The following CNTLN variants were observed in gnomAD, a reference collection of about 807,000 sequenced individuals.
CNTLN encodes centlein.
A neutral mutation model predicts 180.0 loss-of-function variants in CNTLN; 212 were observed. The observed-to-expected ratio is 1.18, with a 90% confidence interval of 1.05 to 1.32. CNTLN has a LOEUF of 1.32. CNTLN is among the 40% of genes most tolerant of loss of function. CNTLN has a pLI of 0.00. For synonymous variants in CNTLN, 722 were observed against 563.1 expected, an observed-to-expected ratio of 1.28 and a Z score of -3.99; for missense variants, 2,095 against 1,610.9, an observed-to-expected ratio of 1.30 and a Z score of -5.14.
chr9:17,310,612 A>T (rs1819064603), intron 8 of CNTLN, among the ~76,000 whole-genome samples: 1 of 152,150 alleles, frequency 6.6e-6, no homozygotes, highest in South Asian at 2.1e-4. Context: ...TGGACTATAA[A>T]GTGTGAAAAT....
intron 6 of CNTLN, 28 bp from the exon 7 acceptor site, chr9:17,298,162 T>C: frequency 7.1e-7 from 1 of 1,399,734 alleles, no homozygotes; most frequent in Non-Finnish European, 9.4e-7. Flanking sequence ...ATCCATACTT[T>C]TCTCTATTTA....
intron 12 of CNTLN, among the ~76,000 whole-genome samples, chr9:17,346,457 C>CA: frequency 6.6e-6 from 1 of 152,276 alleles, no homozygotes; most frequent in East Asian, 1.9e-4. Context: ...TGGGTGGGGA[C>CA]ACAGCTAGAC....
chr9:17,512,761 A>T, the CNTLN span, among the ~76,000 whole-genome samples: 5 of 152,208 alleles, frequency 3.3e-5, no homozygotes, highest in East Asian at 9.6e-4. Context: ...GTCTGGAGAG[A>T]GGACTGGGAG....
chr9:17,224,670 A>G (rs1824351243), intron 2 of CNTLN, among the ~76,000 whole-genome samples: 1 of 151,976 alleles, frequency 6.6e-6, no homozygotes. Context: ...TTCAGTGATT[A>G]TAATTTTTTA....
At chr9:17,527,477 A>G in the CNTLN span, among the ~76,000 whole-genome samples, 5 of 152,298 alleles carry the variant, frequency 3.3e-5, no homozygotes, top group African/African-American at 7.2e-5. Context: ...CACACTGACA[A>G]TTCTGATTCT....
rs1823065815 is a variant in CNTLN at position 17,208,372 on chromosome 9, T to C, written c.450-17831T>C. Among the ~76,000 whole-genome samples the C allele has an allele frequency of 3.3e-5, 5 of 152,262 alleles. No homozygotes were observed. In the South Asian group the frequency reaches 1.0e-3, roughly 32 times the overall value. On this transcript the variant is annotated intron_variant, in intron 2 of 25. Coordinates refer to ENST00000380647, the MANE Select transcript of CNTLN (RefSeq NM_017738.4). ...TCATGTGTTGTTGAATTTGGTTTGG[T>C]AGTATTTTGTTGAGGATTTTTGCAT...
intron 8 of CNTLN, among the ~76,000 whole-genome samples, chr9:17,312,468 G>A (rs1437911329): frequency 3.4e-5 from 5 of 148,624 alleles, no homozygotes; most frequent in African/African-American, 9.8e-5. Flanking sequence ...CTCACTGCAA[G>A]CTCCGCCTCC....
intron 16 of CNTLN, 129 bp downstream of exon 16, chr9:17,409,602 A>G: frequency 1.5e-6 from 1 of 652,020 alleles, no homozygotes; most frequent in Non-Finnish European, 2.4e-6. Flanking sequence ...TAAAATATAC[A>G]GTGAAAATAT....
At chr9:17,341,048 T>C in intron 11 of CNTLN, 100 bp downstream of exon 11, 1 of 1,088,080 alleles carries the variant, frequency 9.2e-7, no homozygotes, top group African/African-American at 1.6e-5. Flanking sequence ...TTTAAAGAAA[T>C]TATTTGGTAG....
intron 2 of CNTLN, among the ~76,000 whole-genome samples, chr9:17,164,614 T>A (rs1003551763): frequency 1.3e-5 from 2 of 150,950 alleles, no homozygotes; most frequent in African/African-American, 4.9e-5. Context: ...AGCCAGCTAA[T>A]TTTTGTATTT....
chr9:17,185,084 G>A (rs1343077928), intron 2 of CNTLN, among the ~76,000 whole-genome samples: 1 of 152,156 alleles, frequency 6.6e-6, no homozygotes, highest in Non-Finnish European at 1.5e-5. Flanking sequence ...TTAAGCTGGT[G>A]TGAATGTTTT....
chr9:17,370,373 C>T (rs1397449383), intron 13 of CNTLN, among the ~76,000 whole-genome samples: 6 of 152,246 alleles, frequency 3.9e-5, no homozygotes, highest in South Asian at 2.1e-4. Context: ...TCAGTGGAAA[C>T]TTTACAGGCT....
At chr9:17,193,577 G>C (rs948502045) in intron 2 of CNTLN, among the ~76,000 whole-genome samples, 1 of 152,166 alleles carries the variant, frequency 6.6e-6, no homozygotes. Flanking sequence ...GAGTTCCCAT[G>C]GTCTTGGGCA....
chr9:17,259,203 A>G (rs190848809), intron 5 of CNTLN, among the ~76,000 whole-genome samples: 8,964 of 149,692 alleles, frequency 0.06, 382 homozygotes, highest in South Asian at 0.13. Flanking sequence ...AATTTTGTAC[A>G]AAGGCCTTTT....
chr9:17,346,750 G>A (rs1014038285), intron 12 of CNTLN, among the ~76,000 whole-genome samples: 25 of 152,192 alleles, frequency 1.6e-4, no homozygotes, highest in African/African-American at 5.5e-4. Flanking sequence ...GAATCCCTAG[G>A]TTTGTGACTT....
chr9:17,199,307 G>A (rs1822356183), intron 2 of CNTLN, among the ~76,000 whole-genome samples: 1 of 150,756 alleles, frequency 6.6e-6, no homozygotes, highest in African/African-American at 2.4e-5. Flanking sequence ...TGCCTCCCGG[G>A]TTCAAGCAAT....
At chr9:17,143,580 C>G (rs550123816) in intron 2 of CNTLN, among the ~76,000 whole-genome samples, 65 of 152,320 alleles carry the variant, frequency 4.3e-4, no homozygotes, top group Non-Finnish European at 7.9e-4. Flanking sequence ...TGTTCATATT[C>G]TGACATATTT....
At chr9:17,505,428 C>G (rs373597838), downstream of CNTLN, among the ~76,000 whole-genome samples, 1 of 152,006 alleles carries the variant, frequency 6.6e-6, no homozygotes, top group African/African-American at 2.4e-5. Flanking sequence ...ATTAATGAGT[C>G]CAGCAAGATC....
rs995607826 is a variant in CNTLN at position 17,352,743 on chromosome 9, G to A, written c.1886+10299G>A. On this transcript the variant is annotated intron_variant, in intron 12 of 25. Transcript: ENST00000380647. The stretch of plus-strand genomic sequence containing the variant: ...TCCCTTCTTTCAATTGCTGGCAACC[G>A]CTTATCTGCTTTCTGTTTCTATGGA... Among the ~76,000 whole-genome samples the A allele has an allele frequency of 3.3e-5, 5 of 152,082 alleles. No homozygotes were observed. In the East Asian group the frequency reaches 5.8e-4, roughly 18 times the overall value.
Sources: allele counts gnomAD v4.1 joint callset (sites outside exome capture counted in the v4.1 genomes callset), GRCh38; gene constraint gnomAD v4.1.1; transcripts MANE v1.5; gene names NCBI Gene and HGNC (gene_info 2026-07-23, HGNC 2026-07-21).